The following LRRC4C variants were observed in gnomAD, a reference collection of about 807,000 sequenced individuals.
LRRC4C encodes the protein leucine rich repeat containing 4C, also known as leucine-rich repeat-containing protein 4C.
Under a neutral mutation model 33.6 loss-of-function variants are expected in LRRC4C, and 5 were observed. The observed-to-expected ratio is 0.15, with a 90% CI of 0.08 to 0.31. The LOEUF (loss-of-function observed/expected upper bound fraction) is 0.31, where lower values mean the gene tolerates loss of function less well. LRRC4C is among the 10% of genes least tolerant of loss of function. The pLI, the probability that LRRC4C is intolerant of heterozygous loss-of-function variation, is 1.00. For synonymous variants in LRRC4C, 329 were observed against 302.0 expected, an observed-to-expected ratio of 1.09 and a Z score of -0.93; for missense variants, 560 against 796.7, an observed-to-expected ratio of 0.70 and a Z score of 3.58.
At position 41,007,579 on chromosome 11, in the gene LRRC4C, T is replaced by G. The variant is rs1007801889; in HGVS notation, c.-495-73856A>C. On this transcript the variant is annotated intron_variant, in intron 1 of 6. Coordinates refer to ENST00000528697, the MANE Select transcript of LRRC4C (RefSeq NM_001258419.2). ...ATATGCAGAGATATATGTACAAAGA[T>G]GACCGTGGTAGCCAAGTAAGTGTCC... Among the ~76,000 whole-genome samples, 4 of 152,232 alleles carry G rather than the reference T, an allele frequency of 2.6e-5. No individual in the cohort carries two copies. In the East Asian group the frequency reaches 7.7e-4, roughly 29 times the overall value.
intron 1 of LRRC4C, among the ~76,000 whole-genome samples, chr11:41,228,919 G>A (rs1298720900): frequency 6.6e-6 from 1 of 152,034 alleles, no homozygotes; most frequent in Non-Finnish European, 1.5e-5. Context: ...CAAGTCTGAT[G>A]TCTGTGGTCA....
chr11:40,503,105 T>C (rs1464765398), intron 3 of LRRC4C, among the ~76,000 whole-genome samples: 1 of 152,124 alleles, frequency 6.6e-6, no homozygotes, highest in African/African-American at 2.4e-5. Context: ...ATGGCTACTA[T>C]ACTGTTTCAA....
chr11:40,213,356 C>A (rs771486816), intron 5 of LRRC4C, among the ~76,000 whole-genome samples: 1 of 152,038 alleles, frequency 6.6e-6, no homozygotes, highest in African/African-American at 2.4e-5. Flanking sequence ...TGCCAGCACC[C>A]GTAGGGATAT....
chr11:41,249,326 G>A (rs943184385), intron 1 of LRRC4C, among the ~76,000 whole-genome samples: 13 of 152,018 alleles, frequency 8.6e-5, no homozygotes, highest in Non-Finnish European at 1.6e-4. Context: ...GAGCCACCGC[G>A]CCCGGCCAAG....
chr11:41,076,767 G>T (rs938552448), intron 1 of LRRC4C, among the ~76,000 whole-genome samples: 1 of 152,056 alleles, frequency 6.6e-6, no homozygotes, highest in African/African-American at 2.4e-5. Flanking sequence ...AGTCCCCCAA[G>T]GTCTTAACTT....
chr11:41,420,461 G>T (rs897974391), intron 1 of LRRC4C, among the ~76,000 whole-genome samples: 5 of 151,888 alleles, frequency 3.3e-5, no homozygotes, highest in African/African-American at 1.2e-4. Flanking sequence ...GGCTGCACAT[G>T]GAAAATGATT....
At chr11:40,833,879 A>C (rs993867009) in intron 2 of LRRC4C, among the ~76,000 whole-genome samples, 13 of 152,174 alleles carry the variant, frequency 8.5e-5, no homozygotes, top group African/African-American at 3.1e-4. Context: ...GGATACACAG[A>C]ATCAACATGC....
At chr11:40,639,106 A>G (rs890855407) in intron 3 of LRRC4C, among the ~76,000 whole-genome samples, 2 of 152,094 alleles carry the variant, frequency 1.3e-5, no homozygotes, top group East Asian at 1.9e-4. Context: ...GAATTCTTAC[A>G]AGTTTTCATC....
At chr11:40,790,076 A>G (rs1436108666) in intron 2 of LRRC4C, among the ~76,000 whole-genome samples, 1 of 152,228 alleles carries the variant, frequency 6.6e-6, no homozygotes, top group East Asian at 1.9e-4. Context: ...TTAAAACCAT[A>G]TCCTTACATC....
At chr11:41,052,066 A>G (rs931934448) in intron 1 of LRRC4C, among the ~76,000 whole-genome samples, 2 of 152,148 alleles carry the variant, frequency 1.3e-5, no homozygotes, top group Non-Finnish European at 2.9e-5. Context: ...ACTGGGCAAC[A>G]CCATTAGAAA....
At chr11:40,460,087 G>A (rs956818010) in intron 3 of LRRC4C, among the ~76,000 whole-genome samples, 10 of 152,068 alleles carry the variant, frequency 6.6e-5, no homozygotes, top group African/African-American at 2.2e-4. Context: ...TAGACTATCC[G>A]GGGTAGTTTA....
Position 41,119,435 on chromosome 11 carries a change from G to A in LRRC4C, c.-495-185712C>T, listed in dbSNP as rs1025044555. On this transcript the variant is annotated intron_variant, in intron 1 of 6. Coordinates refer to ENST00000528697, the MANE Select transcript of LRRC4C (RefSeq NM_001258419.2). ...GCTTGCTGTACTTGAGCAAGACATT[G>A]GAATAATTTAAGTTAATGCAAAGGT... Among the ~76,000 whole-genome samples the A allele has an allele frequency of 2.6e-4, 40 of 152,202 alleles. 1 individual carries two copies. The highest frequency in any genetic ancestry group is 2.1e-3 in the South Asian group (10 of 4,824).
At chr11:41,041,347 T>C (rs1857421595) in intron 1 of LRRC4C, among the ~76,000 whole-genome samples, 2 of 152,280 alleles carry the variant, frequency 1.3e-5, no homozygotes, top group South Asian at 4.1e-4. Flanking sequence ...GAATTAGGAA[T>C]GAGAGAAAGG....
intron 4 of LRRC4C, among the ~76,000 whole-genome samples, chr11:40,296,539 G>A (rs1360522958): frequency 6.6e-6 from 1 of 152,144 alleles, no homozygotes; most frequent in Non-Finnish European, 1.5e-5. Context: ...GGGAACAGCT[G>A]TATATCAATT....
chr11:40,726,392 C>T (rs1435418601), intron 2 of LRRC4C, among the ~76,000 whole-genome samples: 5 of 152,078 alleles, frequency 3.3e-5, no homozygotes, highest in Non-Finnish European at 5.9e-5. Flanking sequence ...TCATAGATGG[C>T]AAAAGTTCTC....
intron 3 of LRRC4C, among the ~76,000 whole-genome samples, chr11:40,504,565 A>T (rs1453998515): frequency 6.6e-6 from 1 of 152,112 alleles, no homozygotes; most frequent in East Asian, 1.9e-4. Flanking sequence ...GAGTGAAGGG[A>T]TGGCTTAAGA....
chr11:41,001,388 G>A (rs1386741557), intron 1 of LRRC4C, among the ~76,000 whole-genome samples: 1 of 152,074 alleles, frequency 6.6e-6, no homozygotes, highest in East Asian at 1.9e-4. Flanking sequence ...GCAATATCTT[G>A]TTCTCTCTTC....
At chr11:41,294,837 G>A (rs954106772) in intron 1 of LRRC4C, among the ~76,000 whole-genome samples, 1 of 152,146 alleles carries the variant, frequency 6.6e-6, no homozygotes, top group Non-Finnish European at 1.5e-5. Flanking sequence ...AAGTTAAAAT[G>A]TTTTTAATCA....
chr11:41,012,896 T>C (rs1377386533), intron 1 of LRRC4C, among the ~76,000 whole-genome samples: 3 of 152,216 alleles, frequency 2.0e-5, no homozygotes, highest in Non-Finnish European at 4.4e-5. Context: ...CTTTTAAGAA[T>C]TGTCTATTCA....
Sources: gnomAD v4.1 joint callset for allele counts (sites outside exome capture counted in the v4.1 genomes callset) on GRCh38, gnomAD v4.1.1 for gene constraint, MANE v1.5 for transcripts, NCBI Gene and HGNC (gene_info 2026-07-23, HGNC 2026-07-21) for gene names.